The following OPLAH variants were observed in gnomAD, a reference collection of about 807,000 sequenced individuals.
OPLAH encodes the protein 5-oxoprolinase, ATP-hydrolysing, also known as 5-oxoprolinase.
In OPLAH, 103 loss-of-function variants were observed where a neutral mutation model predicts 122.8. The ratio of observed to expected loss-of-function variants is 0.84; its 90% CI spans 0.71 to 0.99. The LOEUF (loss-of-function observed/expected upper bound fraction) is 0.99, where lower values mean the gene tolerates loss of function less well. Ranked by LOEUF, OPLAH falls within the 50% of genes least tolerant of loss-of-function variation. OPLAH has a pLI of 0.00. For missense variants in OPLAH, 1,902 were observed against 1,836.5 expected, an observed-to-expected ratio of 1.04 and a Z score of -0.65; for synonymous variants, 875 against 796.0, an observed-to-expected ratio of 1.10 and a Z score of -1.67.
Position 144,058,020 on chromosome 8 carries a change from G to A in OPLAH, c.1078C>T (p.Leu360Phe). ...AGCAGGAGAGCTGACCTGAAGAAGA[G>A]GCGGGAACCCCCTCCCGCTGCCACG... ...NTVAAGGGSR[L>F]FFRSGLFVVG... The change falls in exon 8 of 27, where the codon CTC (leucine) becomes TTC (phenylalanine). Residue 360 changes from leucine to phenylalanine, a missense_variant. This residue lies in a region of OPLAH where 1,726 missense variants were observed against 1,642.1 expected (regional missense o/e 1.05). Transcript: ENST00000618853. 6.2e-7 allele frequency: 1 copy of A among 1,612,492 alleles called. No individual in the cohort carries two copies.
intron 17 of OPLAH, 53 bp from the exon 18 acceptor site, chr8:144,054,966 G>A (rs955016250): frequency 5.7e-6 from 7 of 1,236,294 alleles, no homozygotes; most frequent in East Asian, 5.9e-5. Context: ...GGGCCAGAGC[G>A]GGGTGGGGGG....
At position 144,055,980 on chromosome 8, in the gene OPLAH, G is replaced by A. The variant is rs566976107; in HGVS notation, c.2097-41C>T. 10 of 1,514,518 alleles carry A rather than the reference G, an allele frequency of 6.6e-6. No individual in the cohort carries two copies. In the African/African-American group the frequency reaches 8.3e-5, roughly 13 times the overall value. The allele number at this position is 1,514,518 out of a possible 1,614,324, so 93.8% of individuals were successfully genotyped here. On this transcript the variant is annotated intron_variant, in intron 15 of 26. Transcript: ENST00000618853. The surrounding 1 kb of genome is among the most constrained non-coding windows in gnomAD (Gnocchi z 6.5). Reference sequence around the variant, plus strand: ...CACAGAGGGCTGCATGGGGCCAGGCGACACCCCTCCAACCAGAGATGCCAC... The same window carrying A: ...CACAGAGGGCTGCATGGGGCCAGGCAACACCCCTCCAACCAGAGATGCCAC...
chr8:144,054,489 C>G, intron 19 of OPLAH, 72 bp downstream of exon 19: 2 of 1,467,246 alleles, frequency 1.4e-6, no homozygotes. Flanking sequence ...CACGGTCCAG[C>G]CAGGCCTGCT....
chr8:144,052,676 C>G (rs1835413276), intron 22 of OPLAH, 78 bp from the exon 23 acceptor site: 1 of 1,535,124 alleles, frequency 6.5e-7, no homozygotes, highest in Middle Eastern at 2.0e-4. Context: ...CGCCCCAGCA[C>G]CCGTGGGGTC....
At position 144,057,288 on chromosome 8, in the gene OPLAH, C is replaced by T. The variant is rs376985340; in HGVS notation, c.1455G>A (p.Leu485=). 5.1e-5 allele frequency: 83 copies of T among 1,612,302 alleles called. No individual in the cohort carries two copies. Among genetic ancestry groups the T allele is most frequent in the Non-Finnish European group, 6.7e-5 (79 of 1,179,768 alleles). ...ARGHDPSAHV[L]ACFGGAGGQH... ...GCCCACCAGCTCCCCCAAAGCAGGC[C>T]AGCACATGGGCTGAGGGGTCATGGC... Residue 485 remains leucine, a synonymous_variant, in exon 11 of 27, where the codon CTG becomes CTA. Coordinates refer to ENST00000618853, the MANE Select transcript of OPLAH (RefSeq NM_017570.5).
In OPLAH at chr8:144,057,050, C is replaced by T. The variant is rs1252071848; in HGVS notation, c.1604G>A (p.Cys535Tyr). The T allele has an allele frequency of 5.6e-6, 9 of 1,601,814 alleles. No homozygotes were observed. Among genetic ancestry groups the T allele is most frequent in the Non-Finnish European group, 6.8e-6 (8 of 1,175,310 alleles). ...ADVVHEAQEP[C>Y]SLLYAPETFV... ...GGTCTCAGGCGCGTAGAGCAGGGAGCAGGGTTCCTGTGCCTCATGCACCAC... is the reference window on the plus strand; with the variant it reads ...GGTCTCAGGCGCGTAGAGCAGGGAGTAGGGTTCCTGTGCCTCATGCACCAC... The change falls in exon 12 of 27, where the codon TGC becomes TAC. Residue 535 changes from cysteine to tyrosine, a missense_variant. By Grantham distance (194) the Cys-to-Tyr change is radical. Transcript: ENST00000618853.
chr8:144,057,669 G>C lies in OPLAH; in HGVS notation c.1201C>G (p.Leu401Val), dbSNP rs1212536343. ...VTDANLVLGR[L>V]LPASFPCIFG... ...ATGCAGGGGAAGGAGGCAGGCAGCA[G>C]GCGACCCAGGACCAGATTAGCATCC... Residue 401 changes from leucine to valine, a missense_variant, in exon 10 of 27, where the codon CTG (leucine) becomes GTG (valine). Physicochemically the swap from Leu to Val is conservative, Grantham distance 32. Around this residue, in one of 3 missense-constraint regions of OPLAH, gnomAD observed 1,726 missense variants for 1,642.1 expected, o/e 1.05. Coordinates refer to ENST00000618853, the MANE Select transcript of OPLAH (RefSeq NM_017570.5). The C allele has an allele frequency of 6.2e-7, 1 of 1,607,844 alleles. No homozygotes were observed. Among genetic ancestry groups the C allele is most frequent in the African/African-American group, 1.3e-5 (1 of 74,830 alleles).
rs1481595382 is a variant in OPLAH, at chr8:144,052,979, C to T, written c.3018+4G>A. 1.3e-6 allele frequency: 2 copies of T among 1,594,446 alleles called. No homozygotes were observed. Among genetic ancestry groups the T allele is most frequent in the Admixed American group, 3.5e-5 (2 of 57,924 alleles). On this transcript the variant is annotated splice_donor_region_variant and intron_variant, in intron 21 of 26. Transcript: ENST00000618853. ...CGCCTAGAGGCACTCTCCCCACGGCCCACCTGACTCAGGCTGATCTGCACA... is the reference window on the plus strand; with the variant it reads ...CGCCTAGAGGCACTCTCCCCACGGCTCACCTGACTCAGGCTGATCTGCACA...
chr8:144,051,868 GGT>G, intron 25 of OPLAH, 42 bp from the exon 26 acceptor site: 1 of 1,461,418 alleles, frequency 6.8e-7, no homozygotes, highest in Non-Finnish European at 9.2e-7. Context: ...CAGGGGCGGG[GGT>G]GGGGGCGGGG....
In OPLAH at chr8:144,056,771, G is replaced by C. The variant is rs782204475; in HGVS notation, c.1707-16C>G. On this transcript the variant is annotated splice_polypyrimidine_tract_variant and intron_variant, in intron 12 of 26. Coordinates refer to ENST00000618853, the MANE Select transcript of OPLAH (RefSeq NM_017570.5). ...GATCTGGGACCTGCAGCAGGTGGTTGGGGGCACTCACACCAAACCCCCTGC... is the reference window on the plus strand; with the variant it reads ...GATCTGGGACCTGCAGCAGGTGGTTCGGGGCACTCACACCAAACCCCCTGC... 4 of 1,594,918 alleles carry C rather than the reference G, an allele frequency of 2.5e-6. No homozygotes were observed. Among genetic ancestry groups the C allele is most frequent in the Non-Finnish European group, 3.4e-6 (4 of 1,169,576 alleles).
At position 144,058,850 on chromosome 8, in the gene OPLAH, C is replaced by G; in HGVS notation, c.510G>C (p.Gly170=). Residue 170 remains glycine, a synonymous_variant, in exon 5 of 27, where the codon GGG becomes GGC. Coordinates refer to ENST00000618853, the MANE Select transcript of OPLAH (RefSeq NM_017570.5). ...LLEVQQPVDL[G]ALRGKLEGLL... ...GCCCCTCCAGCTTCCCACGCAGGGC[C>G]CCCAGGTCCACAGGCTGCTGCACTT... 1 of 1,575,194 alleles carries G rather than the reference C, an allele frequency of 6.3e-7. No homozygotes were observed.
In OPLAH at chr8:144,055,934, A is replaced by G. The variant is rs782655247; in HGVS notation, c.2102T>C (p.Ile701Thr). 1.3e-6 allele frequency: 2 copies of G among 1,583,494 alleles called. No individual in the cohort carries two copies. The highest frequency in any genetic ancestry group is 3.6e-5 in the Admixed American group (2 of 56,186). The change falls in exon 16 of 27, where the codon ATC becomes ACC. Residue 701 changes from isoleucine to threonine, a missense_variant. By Grantham distance (89) the Ile-to-Thr change is moderately conservative (BLOSUM62 -1). Around this residue, in one of 3 missense-constraint regions of OPLAH, gnomAD observed 1,726 missense variants for 1,642.1 expected, o/e 1.05. Transcript: ENST00000618853. The surrounding 1 kb of genome is among the most constrained non-coding windows in gnomAD (Gnocchi z 6.5). ...TGCCTGGCAACCTGGCTCCACCAGG[A>G]TGGTGCTGGGGAGCAGAGGGCACAG... ...PCLIIDSNSTILVEPGCQAEV... is the reference protein window; with the variant it reads ...PCLIIDSNSTTLVEPGCQAEV...
intron 22 of OPLAH, 54 bp from the exon 23 acceptor site, chr8:144,052,652 A>G (rs1411533217): frequency 1.3e-6 from 2 of 1,544,744 alleles, no homozygotes; most frequent in East Asian, 2.4e-5. Context: ...CGGGAGAAAC[A>G]GCACCCCACC....
At position 144,058,880 on chromosome 8, in the gene OPLAH, C is replaced by T. The variant is rs1835598919; in HGVS notation, c.480G>A (p.Leu160=). The part of the protein sequence containing the change: ...GTPVKGRTGD[L]LEVQQPVDLG... Reference sequence around the variant, plus strand: ...GGTCCACAGGCTGCTGCACTTCCAGCAGGTCCCCCGTGCGGCCTTCCAGAA... The same window carrying T: ...GGTCCACAGGCTGCTGCACTTCCAGTAGGTCCCCCGTGCGGCCTTCCAGAA... Residue 160 remains leucine, a synonymous_variant, in exon 5 of 27, where the codon CTG becomes CTA. Coordinates refer to ENST00000618853, the MANE Select transcript of OPLAH (RefSeq NM_017570.5). 1 of 1,554,650 alleles carries T rather than the reference C, an allele frequency of 6.4e-7. No individual in the cohort carries two copies. The highest frequency in any genetic ancestry group is 8.7e-7 in the Non-Finnish European group (1 of 1,149,018).
At chr8:144,050,737 C>T, downstream of OPLAH, 6 of 986,102 alleles carry the variant, frequency 6.1e-6, no homozygotes, top group Non-Finnish European at 7.2e-6. Flanking sequence ...GGAAGTGGAC[C>T]TGGGGAGCGC....
chr8:144,054,636 A>G lies in OPLAH; in HGVS notation c.2611T>C (p.Ser871Pro). Residue 871 changes from serine to proline, a missense_variant, in exon 19 of 27, where the codon TCC (serine) becomes CCC (proline). Physicochemically the swap from Ser to Pro is moderately conservative, Grantham distance 74 (BLOSUM62 -1). Transcript: ENST00000618853. ...GITPGSMPPH[S>P]TMLQQEGAVF... ...GCACCCTCCTGTTGCAGCATGGTGG[A>G]GTGGGGGGGCATGGAGCCTGGTGTG... The G allele has an allele frequency of 6.2e-7, 1 of 1,611,392 alleles. No individual in the cohort carries two copies. The highest frequency in any genetic ancestry group is 8.5e-7 in the Non-Finnish European group (1 of 1,178,856).
intron 25 of OPLAH, 22 bp from the exon 26 acceptor site, chr8:144,051,848 C>G (rs1835384737): frequency 1.5e-5 from 22 of 1,501,546 alleles, no homozygotes; most frequent in Non-Finnish European, 1.9e-5. Flanking sequence ...GGCGAGGAGT[C>G]CAGAGAGACC....
At position 144,053,095 on chromosome 8, in the gene OPLAH, C is replaced by G. The variant is rs782222600; in HGVS notation, c.2906G>C (p.Arg969Pro). Residue 969 changes from arginine (R) to proline (P), a missense_variant, in exon 21 of 27, where the codon CGT becomes CCT. Physicochemically the swap from Arg to Pro is moderately radical, Grantham distance 103. Transcript: ENST00000618853. Reference sequence around the variant, plus strand: ...GGCCTGCCGGGAGGTTCCAAAGGCACGCAACATGTCTCGCACGGCCAGCTC... The same window carrying G: ...GGCCTGCCGGGAGGTTCCAAAGGCAGGCAACATGTCTCGCACGGCCAGCTC... The part of the protein sequence containing the change: ...NAELAVRDML[R>P]AFGTSRQARG... The G allele has an allele frequency of 1.2e-6, 2 of 1,606,090 alleles. No individual in the cohort carries two copies. Among genetic ancestry groups the G allele is most frequent in the Admixed American group, 1.7e-5 (1 of 58,938 alleles).
In OPLAH at chr8:144,054,700, A is replaced by T. The variant is rs782430102; in HGVS notation, c.2547T>A (p.Tyr849Ter). 1 of 1,612,348 alleles carries T rather than the reference A, an allele frequency of 6.2e-7. No homozygotes were observed. The highest frequency in any genetic ancestry group is 1.3e-5 in the African/African-American group (1 of 74,888). ...CTGCGTGGTGCCCTCGGCTGGCCAC[A>T]TAGAACACAGGCCGCGTCTGACCCG... is the stretch of plus-strand genomic sequence containing the variant. ...FWPGQTRPVF[Y>*]VASRGHHADI... is the part of the protein sequence containing the mutation. Residue 849 changes from tyrosine to a stop codon, truncating the protein, a stop_gained, in exon 19 of 27, where the codon TAT (tyrosine) becomes TAA (stop). Transcript: ENST00000618853. LOFTEE classifies it high-confidence loss of function.
Sources: allele counts gnomAD v4.1 joint callset, GRCh38; gene constraint gnomAD v4.1.1; regional missense constraint gnomAD v4.1.1; non-coding constraint Gnocchi (gnomAD v3.1); transcripts MANE v1.5; gene names NCBI Gene and HGNC (gene_info 2026-07-23, HGNC 2026-07-21).